Variants in DACH2 observed in about 807,000 individuals in gnomAD.
DACH2 encodes dachshund homolog 2.
A neutral mutation model predicts 35.8 loss-of-function variants in DACH2; 17 were observed. The ratio of observed to expected loss-of-function variants is 0.48; its 90% CI spans 0.33 to 0.71. The LOEUF (loss-of-function observed/expected upper bound fraction) is 0.71, where lower values mean the gene tolerates loss of function less well. Among genes scored for constraint, DACH2 ranks in the 30% least tolerant of loss-of-function variants. The pLI, the probability that DACH2 is intolerant of heterozygous loss-of-function variation, is 0.02. For synonymous variants in DACH2, 195 were observed against 177.3 expected, an observed-to-expected ratio of 1.10 and a Z score of -0.79; for missense variants, 469 against 472.7, an observed-to-expected ratio of 0.99 and a Z score of 0.07.
In DACH2 at chrX:86,555,880, C is replaced by G. The variant is rs1248626029; in HGVS notation, c.640+41489C>G. The stretch of plus-strand genomic sequence containing the variant: ...AATAATGCTAATATCATGTGAAGCA[C>G]AATTTATTTTCAGTTTTTAAGCCCA... On this transcript the variant is annotated intron_variant, in intron 3 of 11. Transcript: ENST00000373125. Among the ~76,000 whole-genome samples the G allele has an allele frequency of 2.7e-5, 3 of 111,132 alleles. No individual in the cohort carries two copies. In the Admixed American group the frequency reaches 2.9e-4, roughly 11 times the overall value.
At chrX:86,684,870 C>T (rs1008874140) in intron 4 of DACH2, among the ~76,000 whole-genome samples, 8 of 110,556 alleles carry the variant, frequency 7.2e-5, no homozygotes, top group South Asian at 7.6e-4. Flanking sequence ...AAGTAAATTT[C>T]GAGCTGTATA....
intron 1 of DACH2, among the ~76,000 whole-genome samples, chrX:86,330,509 A>G (rs893601834): frequency 4.5e-5 from 5 of 112,026 alleles, no homozygotes; most frequent in African/African-American, 1.6e-4. Flanking sequence ...AACAAGATGG[A>G]TAAAATTATA....
intron 2 of DACH2, among the ~76,000 whole-genome samples, chrX:86,452,585 C>T (rs1487458039): frequency 1.8e-5 from 2 of 111,316 alleles, no homozygotes; most frequent in Non-Finnish European, 3.8e-5. Context: ...TTATTCATTT[C>T]ATCTACATTT....
intron 2 of DACH2, among the ~76,000 whole-genome samples, chrX:86,423,077 A>G (rs914388418): frequency 3.6e-5 from 4 of 111,726 alleles, no homozygotes; most frequent in Non-Finnish European, 5.7e-5. Context: ...CTATTTTTGG[A>G]TGCTTAGATT....
intron 1 of DACH2, among the ~76,000 whole-genome samples, chrX:86,201,181 C>T (rs910463978): frequency 6.5e-5 from 7 of 107,376 alleles, no homozygotes; most frequent in African/African-American, 1.4e-4. Context: ...CAAAGTAACA[C>T]GGGAAGAGAA....
intron 6 of DACH2, among the ~76,000 whole-genome samples, chrX:86,728,935 G>A (rs1432443887): frequency 2.7e-5 from 3 of 112,914 alleles, no homozygotes; most frequent in African/African-American, 9.6e-5. Context: ...GGGCAGTGCA[G>A]AGGGAAAATA....
intron 4 of DACH2, among the ~76,000 whole-genome samples, chrX:86,656,055 A>G (rs1330890821): frequency 1.0e-5 from 1 of 96,743 alleles, no homozygotes; most frequent in Admixed American, 1.1e-4. Flanking sequence ...TCTGTACATA[A>G]TGGCCTCGGT....
intron 2 of DACH2, among the ~76,000 whole-genome samples, chrX:86,419,780 A>C (rs2036771801): frequency 8.9e-6 from 1 of 111,979 alleles, no homozygotes; most frequent in Non-Finnish European, 1.9e-5. Context: ...TTTTGTAGGT[A>C]ATGTCCTGAT....
intron 1 of DACH2, among the ~76,000 whole-genome samples, chrX:86,204,724 A>G (rs1030591339): frequency 3.6e-5 from 4 of 112,008 alleles, no homozygotes; most frequent in Non-Finnish European, 5.6e-5. Flanking sequence ...ACTAATTATG[A>G]TCCTTGTTTA....
chrX:86,519,687 G>A (rs1374452842), intron 3 of DACH2, among the ~76,000 whole-genome samples: 1 of 111,146 alleles, frequency 9.0e-6, no homozygotes, highest in African/African-American at 3.3e-5. Context: ...GTGTGTAGAG[G>A]TCTTCATAGT....
intron 2 of DACH2, chrX:86,513,037 C>T: frequency 4.0e-6 from 1 of 252,219 alleles, no homozygotes; most frequent in South Asian, 4.6e-5. Flanking sequence ...AACACTAGCA[C>T]AGTGTATGAA....
intron 11 of DACH2, among the ~76,000 whole-genome samples, chrX:86,819,796 A>C (rs1382948003): frequency 1.8e-5 from 2 of 111,414 alleles, no homozygotes; most frequent in Admixed American, 9.6e-5. Flanking sequence ...TTACTGCAAC[A>C]GCTCCTTTAA....
At chrX:86,578,883 T>C (rs1308200951) in intron 3 of DACH2, among the ~76,000 whole-genome samples, 1 of 111,851 alleles carries the variant, frequency 8.9e-6, no homozygotes, top group Non-Finnish European at 1.9e-5. Flanking sequence ...ATGTTTGTTC[T>C]AGTTGATCTT....
chrX:86,701,232 A>G (rs1261734736), intron 5 of DACH2, among the ~76,000 whole-genome samples: 1 of 111,848 alleles, frequency 8.9e-6, no homozygotes, highest in African/African-American at 3.2e-5. Context: ...CATGTGATTC[A>G]TCATATAAAG....
intron 1 of DACH2, among the ~76,000 whole-genome samples, chrX:86,236,331 T>G (rs2147937832): frequency 8.9e-6 from 1 of 112,222 alleles, no homozygotes; most frequent in East Asian, 2.8e-4. Context: ...ACATAAGTGC[T>G]TATTGAATGA....
At chrX:86,381,414 T>A (rs1189423606) in intron 2 of DACH2, among the ~76,000 whole-genome samples, 1 of 111,266 alleles carries the variant, frequency 9.0e-6, no homozygotes, top group Non-Finnish European at 1.9e-5. Context: ...GTAATTAAGA[T>A]AAGGATTAAA....
chrX:86,491,670 G>T (rs1462173389), intron 2 of DACH2, among the ~76,000 whole-genome samples: 1 of 111,623 alleles, frequency 9.0e-6, no homozygotes, highest in African/African-American at 3.2e-5. Context: ...TTTTGCACGT[G>T]TTGTCTTTAT....
intron 1 of DACH2, among the ~76,000 whole-genome samples, chrX:86,255,450 C>A (rs1473446529): frequency 9.0e-6 from 1 of 111,577 alleles, no homozygotes; most frequent in Non-Finnish European, 1.9e-5. Context: ...GGATGAGATT[C>A]GGTTAGAAGA....
intron 1 of DACH2, chrX:86,262,948 C>T: frequency 2.7e-6 from 2 of 745,835 alleles, no homozygotes; most frequent in South Asian, 6.8e-5. Context: ...ATTAAAACAA[C>T]CCCCATCCCA....
Sources: gnomAD v4.1 joint callset for allele counts (sites outside exome capture counted in the v4.1 genomes callset) on GRCh38, gnomAD v4.1.1 for gene constraint, MANE v1.5 for transcripts, NCBI Gene and HGNC (gene_info 2026-07-23, HGNC 2026-07-21) for gene names.